Variants in SORCS1 observed in about 807,000 individuals in gnomAD.
SORCS1 encodes VPS10 domain-containing receptor SorCS1.
Under a neutral mutation model 146.1 loss-of-function variants are expected in SORCS1, and 60 were observed. The observed-to-expected ratio is 0.41, with a 90% CI of 0.33 to 0.51. The LOEUF (loss-of-function observed/expected upper bound fraction) is 0.51. Among genes scored for constraint, SORCS1 ranks in the 20% least tolerant of loss-of-function variants. SORCS1 has a pLI of 0.21. For synonymous variants in SORCS1, 637 were observed against 584.0 expected, an observed-to-expected ratio of 1.09 and a Z score of -1.31; for missense variants, 1,352 against 1,487.6, an observed-to-expected ratio of 0.91 and a Z score of 1.50.
intron 17 of SORCS1, among the ~76,000 whole-genome samples, chr10:106,664,264 T>G (rs1453639200): frequency 6.6e-6 from 1 of 152,252 alleles, no homozygotes; most frequent in East Asian, 1.9e-4. Context: ...GATTTTAATT[T>G]TATATGGCAT....
chr10:107,030,902 G>C (rs1958622098), intron 1 of SORCS1, among the ~76,000 whole-genome samples: 3 of 152,178 alleles, frequency 2.0e-5, no homozygotes, highest in Non-Finnish European at 1.5e-5. Flanking sequence ...TGAATGAAAA[G>C]GGTCCCACTG....
chr10:106,938,303 T>C (rs1327624160), intron 2 of SORCS1, among the ~76,000 whole-genome samples: 1 of 152,206 alleles, frequency 6.6e-6, no homozygotes, highest in Non-Finnish European at 1.5e-5. Context: ...GCTTGGTAGC[T>C]ACACCTTGAT....
intron 9 of SORCS1, among the ~76,000 whole-genome samples, chr10:106,697,169 A>G (rs1240437938): frequency 6.6e-6 from 1 of 152,198 alleles, no homozygotes; most frequent in Non-Finnish European, 1.5e-5. Flanking sequence ...GTTGCAATTT[A>G]CACTTATTTA....
At chr10:107,154,792 T>G (rs766419144) in intron 1 of SORCS1, among the ~76,000 whole-genome samples, 1 of 152,222 alleles carries the variant, frequency 6.6e-6, no homozygotes, top group African/African-American at 2.4e-5. Context: ...CTAACCCTTA[T>G]TGATGATTTA....
At chr10:106,646,525 G>T (rs984217411) in intron 18 of SORCS1, among the ~76,000 whole-genome samples, 2 of 151,584 alleles carry the variant, frequency 1.3e-5, no homozygotes, top group African/African-American at 4.8e-5. Flanking sequence ...GTGAGACCCC[G>T]TCTCTACTAA....
intron 3 of SORCS1, among the ~76,000 whole-genome samples, chr10:106,781,932 T>C (rs767836649): frequency 6.8e-6 from 1 of 147,850 alleles, no homozygotes; most frequent in Non-Finnish European, 1.5e-5. Context: ...CACACACTGA[T>C]AGAAATGAGT....
At chr10:106,798,398 C>A (rs553461584) in intron 3 of SORCS1, among the ~76,000 whole-genome samples, 4 of 152,106 alleles carry the variant, frequency 2.6e-5, no homozygotes, top group African/African-American at 7.2e-5. Flanking sequence ...ATTAACTTGT[C>A]ATTTACATTA....
intron 5 of SORCS1, among the ~76,000 whole-genome samples, chr10:106,741,626 G>T (rs912184843): frequency 1.3e-4 from 19 of 151,486 alleles, no homozygotes; most frequent in South Asian, 6.2e-4. Context: ...TATATATAGA[G>T]AGAGAGAGAG....
At chr10:106,942,755 T>C (rs1051692427) in intron 2 of SORCS1, among the ~76,000 whole-genome samples, 1 of 152,134 alleles carries the variant, frequency 6.6e-6, no homozygotes, top group South Asian at 2.1e-4. Flanking sequence ...GGATAATTCC[T>C]CCACCTGACC....
intron 1 of SORCS1, among the ~76,000 whole-genome samples, chr10:107,039,119 GGA>G (rs1959047643): frequency 6.6e-6 from 1 of 151,908 alleles, no homozygotes; most frequent in East Asian, 1.9e-4. Flanking sequence ...CACAAGGTCA[GGA>G]GATCGAGACC....
At chr10:107,029,247 G>A (rs6584786) in intron 1 of SORCS1, among the ~76,000 whole-genome samples, 58,588 of 151,938 alleles carry the variant, frequency 0.39, 11,638 homozygotes, top group African/African-American at 0.48. Context: ...TCACTGGCAC[G>A]CTAGCATCAT....
chr10:106,871,351 C>G (rs6584766), intron 2 of SORCS1, among the ~76,000 whole-genome samples: 1 of 151,952 alleles, frequency 6.6e-6, no homozygotes, highest in African/African-American at 2.4e-5. Flanking sequence ...GGAGCTAAAA[C>G]CAGAACTACC....
rs186688544 is a variant in SORCS1, at chr10:106,981,675, C to A, written c.559-25095G>T. Among the ~76,000 whole-genome samples the A allele has an allele frequency of 2.0e-3, 305 of 152,032 alleles. 1 individual carries two copies. The highest frequency in any genetic ancestry group is 2.8e-3 in the Admixed American group (43 of 15,270). On this transcript the variant is annotated intron_variant, in intron 1 of 25. Coordinates refer to ENST00000263054, the MANE Select transcript of SORCS1 (RefSeq NM_052918.5). The stretch of plus-strand genomic sequence containing the variant: ...TTTCATCTTTGAGGATTTTTTTTCT[C>A]GTCTCCAACAATAGCCTGAGGCATA...
At chr10:107,178,486 T>TA in the SORCS1 span, among the ~76,000 whole-genome samples, 1 of 141,844 alleles carries the variant, frequency 7.1e-6, no homozygotes, top group Non-Finnish European at 1.6e-5. Context: ...TAAAATTATT[T>TA]TATATATATA....
the SORCS1 span, among the ~76,000 whole-genome samples, chr10:107,178,054 G>A: frequency 6.6e-6 from 1 of 152,050 alleles, no homozygotes; most frequent in Non-Finnish European, 1.5e-5. Flanking sequence ...TGGATGATGG[G>A]CTTAATATCT....
intron 21 of SORCS1, among the ~76,000 whole-genome samples, chr10:106,615,910 C>G (rs1234061014): frequency 1.3e-5 from 2 of 152,120 alleles, no homozygotes; most frequent in Non-Finnish European, 2.9e-5. Flanking sequence ...GAATTCTTAG[C>G]TCGTTTATTA....
At chr10:107,029,777 C>A (rs1958567670) in intron 1 of SORCS1, among the ~76,000 whole-genome samples, 1 of 152,206 alleles carries the variant, frequency 6.6e-6, no homozygotes, top group Admixed American at 6.5e-5. Context: ...CATACAAACT[C>A]ATTCTATTTT....
At chr10:106,768,110 T>C (rs999822823) in intron 4 of SORCS1, among the ~76,000 whole-genome samples, 2 of 152,222 alleles carry the variant, frequency 1.3e-5, no homozygotes, top group African/African-American at 2.4e-5. Context: ...TTGCATATGA[T>C]GGCATTTCAG....
At chr10:107,173,632 C>T in the SORCS1 span, among the ~76,000 whole-genome samples, 1 of 151,918 alleles carries the variant, frequency 6.6e-6, no homozygotes, top group Non-Finnish European at 1.5e-5. Context: ...AAATCTTTTC[C>T]TACCTCATGT....
Sources: allele counts gnomAD v4.1 joint callset (sites outside exome capture counted in the v4.1 genomes callset), GRCh38; gene constraint gnomAD v4.1.1; transcripts MANE v1.5; gene names NCBI Gene and HGNC (gene_info 2026-07-23, HGNC 2026-07-21).